The following SAMMSON variants were observed in gnomAD, a reference collection of about 807,000 sequenced individuals.
SAMMSON encodes long intergenic non-protein coding RNA 1212.
chr3:70,121,796 G>A (rs574278148), intron 4 of SAMMSON, among the ~76,000 whole-genome samples: 15 of 152,288 alleles, frequency 9.8e-5, no homozygotes, highest in Admixed American at 7.8e-4. Flanking sequence ...AAGACTGGTG[G>A]CCGACTGCCT....
intron 7 of SAMMSON, among the ~76,000 whole-genome samples, chr3:70,323,624 A>T (rs1185080720): frequency 6.6e-6 from 1 of 152,104 alleles, no homozygotes; most frequent in Non-Finnish European, 1.5e-5. Context: ...CCAGCTAGGG[A>T]GGGCCACAAA....
chr3:70,405,292 A>C (rs1701169455), intron 2 of SAMMSON, among the ~76,000 whole-genome samples: 1 of 152,230 alleles, frequency 6.6e-6, no homozygotes, highest in African/African-American at 2.4e-5. Context: ...CAAAAAATAA[A>C]ATAAAATAAA....
At chr3:70,322,803 G>T (rs1702547276) in intron 7 of SAMMSON, among the ~76,000 whole-genome samples, 1 of 152,180 alleles carries the variant, frequency 6.6e-6, no homozygotes, top group African/African-American at 2.4e-5. Flanking sequence ...TCTTTGAAGA[G>T]CCATAGAGAC....
At chr3:70,131,546 A>G (rs569320301) in intron 4 of SAMMSON, among the ~76,000 whole-genome samples, 2 of 152,260 alleles carry the variant, frequency 1.3e-5, no homozygotes, top group South Asian at 4.2e-4. Context: ...TACTCCAATC[A>G]TGAACAGGAA....
intron 4 of SAMMSON, among the ~76,000 whole-genome samples, chr3:70,079,349 GAA>G (rs1385601647): frequency 6.6e-6 from 1 of 152,118 alleles, no homozygotes; most frequent in Non-Finnish European, 1.5e-5. Context: ...GGAAAATTGG[GAA>G]ATGCTACAAA....
At chr3:70,137,433 C>T (rs2067510460) in intron 4 of SAMMSON, among the ~76,000 whole-genome samples, 1 of 152,072 alleles carries the variant, frequency 6.6e-6, no homozygotes, top group Non-Finnish European at 1.5e-5. Context: ...AATAGTATTT[C>T]TTGATGTGAA....
At chr3:70,332,982 C>T (rs1364901113) in intron 7 of SAMMSON, 1 of 152,192 alleles carries the variant, frequency 6.6e-6, no homozygotes, top group East Asian at 1.9e-4. Context: ...ATATTGTTAT[C>T]TTTCCTTGAC....
intron 7 of SAMMSON, among the ~76,000 whole-genome samples, chr3:70,303,278 C>G (rs1170894135): frequency 6.6e-6 from 1 of 152,140 alleles, no homozygotes; most frequent in East Asian, 1.9e-4. Flanking sequence ...ATCTACCTCT[C>G]ATTGTGTGTA....
chr3:70,256,543 T>C (rs1050581344), intron 6 of SAMMSON, among the ~76,000 whole-genome samples: 1 of 152,174 alleles, frequency 6.6e-6, no homozygotes, highest in Admixed American at 6.5e-5. Context: ...CTAGTGACTT[T>C]AAAGAAATTA....
At chr3:70,413,941 T>C (rs1701242532) in intron 2 of SAMMSON, among the ~76,000 whole-genome samples, 1 of 152,112 alleles carries the variant, frequency 6.6e-6, no homozygotes, top group Non-Finnish European at 1.5e-5. Flanking sequence ...TCAATATTGT[T>C]TTCTAGCTAG....
chr3:70,305,722 T>C (rs537713048), intron 7 of SAMMSON, among the ~76,000 whole-genome samples: 11 of 152,310 alleles, frequency 7.2e-5, no homozygotes, highest in African/African-American at 2.6e-4. Context: ...TTTGAGGAAA[T>C]GAAGTAAGTT....
chr3:70,389,685 C>A (rs964506312), exon 10 of SAMMSON: 1 of 151,998 alleles, frequency 6.6e-6, no homozygotes, highest in Non-Finnish European at 1.5e-5. Context: ...GAAGACTGGT[C>A]GTTTTTTCTG....
intron 4 of SAMMSON, among the ~76,000 whole-genome samples, chr3:70,117,626 G>A (rs1360055838): frequency 1.3e-5 from 2 of 152,056 alleles, no homozygotes; most frequent in African/African-American, 4.8e-5. Flanking sequence ...GGGATCATGG[G>A]CCTCAGTATA....
At chr3:70,302,697 G>A (rs892307170) in intron 7 of SAMMSON, 1 of 152,196 alleles carries the variant, frequency 6.6e-6, no homozygotes, top group African/African-American at 2.4e-5. Flanking sequence ...GGTGAGCTAA[G>A]ATCATTCTGG....
rs192697849 is a variant in SAMMSON, at chr3:70,008,118, T to C, written n.23-4239T>C. Among the ~76,000 whole-genome samples, 50 of 152,286 alleles carry C rather than the reference T, an allele frequency of 3.3e-4. No individual in the cohort carries two copies. In the South Asian group the frequency reaches 5.6e-3, roughly 17 times the overall value. Reference sequence around the variant, plus strand: ...TTGTTCTTTTGACTTAGGATTGACTTGGCGATGTGGGCTCTTTTTTGGTTC... The same window carrying C: ...TTGTTCTTTTGACTTAGGATTGACTCGGCGATGTGGGCTCTTTTTTGGTTC... On this transcript the variant is annotated intron_variant and non_coding_transcript_variant, in intron 1 of 9. Transcript: ENST00000642114.
At chr3:70,427,249 A>C (rs1701377433) in intron 2 of SAMMSON, among the ~76,000 whole-genome samples, 1 of 152,202 alleles carries the variant, frequency 6.6e-6, no homozygotes, top group Non-Finnish European at 1.5e-5. Context: ...TTGATCTTCT[A>C]GGCATTCATT....
intron 7 of SAMMSON, among the ~76,000 whole-genome samples, chr3:70,352,811 A>T (rs191336934): frequency 1.8e-3 from 269 of 152,242 alleles, no homozygotes; most frequent in African/African-American, 6.2e-3. Context: ...TTTGAAAAGA[A>T]TGAGTTTACC....
At chr3:70,367,049 G>C (rs1404385685) in intron 9 of SAMMSON, among the ~76,000 whole-genome samples, 1 of 151,558 alleles carries the variant, frequency 6.6e-6, no homozygotes, top group African/African-American at 2.4e-5. Context: ...ATATATAATT[G>C]TACATATTTA....
At chr3:70,015,975 T>G (rs2107578928) in intron 3 of SAMMSON, among the ~76,000 whole-genome samples, 1 of 152,356 alleles carries the variant, frequency 6.6e-6, no homozygotes, top group African/African-American at 2.4e-5. Flanking sequence ...GATGGACATT[T>G]GGGTTGGTTG....
Sources: allele counts gnomAD v4.1 joint callset (sites outside exome capture counted in the v4.1 genomes callset), GRCh38; gene constraint gnomAD v4.1.1; transcripts MANE v1.5; gene names NCBI Gene and HGNC (gene_info 2026-07-23, HGNC 2026-07-21).